The following FLT4 variants were observed in gnomAD, a reference collection of about 807,000 sequenced individuals.
FLT4 encodes fms related receptor tyrosine kinase 4, also known as vascular endothelial growth factor receptor 3.
FLT4 carries 30 observed loss-of-function variants against 163.2 expected under a neutral mutation model. That is an observed-to-expected ratio of 0.18 (90% CI 0.14 to 0.25). The LOEUF (loss-of-function observed/expected upper bound fraction) is 0.25. Ranked by LOEUF, FLT4 falls within the 10% of genes least tolerant of loss-of-function variation. The pLI is 1.00. For missense variants in FLT4, 1,510 were observed against 1,863.8 expected (o/e 0.81, Z 3.50); for synonymous variants, 884 against 789.5 (o/e 1.12, Z -2.01).
At chr5:180,647,963 G>A (rs1435634613) in intron 1 of FLT4, among the ~76,000 whole-genome samples, 1 of 152,116 alleles carries the variant, frequency 6.6e-6, no homozygotes, top group Non-Finnish European at 1.5e-5. Context: ...CTGGATCCCT[G>A]GAAGCCCCCT....
At chr5:180,628,351 C>T (rs1367763760) in intron 8 of FLT4, among the ~76,000 whole-genome samples, 3 of 152,226 alleles carry the variant, frequency 2.0e-5, no homozygotes, top group Non-Finnish European at 2.9e-5. Flanking sequence ...CCGCAGCACA[C>T]GCTTGCAGAT....
intron 8 of FLT4, 57 bp downstream of exon 8, chr5:180,628,825 T>G: frequency 1.6e-6 from 2 of 1,243,842 alleles, no homozygotes; most frequent in Non-Finnish European, 1.2e-6. Flanking sequence ...TATGGTCTGT[T>G]TTGCCCCTGG....
chr5:180,616,286 C>T, intron 23 of FLT4, 81 bp downstream of exon 23: 3 of 1,590,476 alleles, frequency 1.9e-6, no homozygotes, highest in Non-Finnish European at 1.7e-6. Flanking sequence ...CCAGCCCTCC[C>T]TCTCCTGGAC....
At position 180,630,043 on chromosome 5, in the gene FLT4, G is replaced by A. The variant is rs140192529; in HGVS notation, c.576C>T (p.Leu192=). The A allele has an allele frequency of 3.2e-5, 51 of 1,612,772 alleles. No individual in the cohort carries two copies. The East Asian group carries it at 6.2e-4, about 20-fold the overall frequency. ...CATCGTGCAGCAGTGGCGTGGACAC[G>A]AGCATGCCCCGCCGGTCATCCCACA... ...EVVWDDRRGM[L]VSTPLLHDAL... Residue 192 remains leucine (L), a synonymous_variant, in exon 5 of 30, where the codon CTC becomes CTT. Coordinates refer to ENST00000261937, the MANE Select transcript of FLT4 (RefSeq NM_182925.5). The surrounding 1 kb of genome is among the most constrained non-coding windows in gnomAD (Gnocchi z 6.3).
At position 180,630,067 on chromosome 5, in the gene FLT4, C is replaced by T. The variant is rs117606544; in HGVS notation, c.552G>A (p.Val184=). ...CGAGCATGCCCCGCCGGTCATCCCA[C>T]ACCACCTCCTGCCCGTCTGGCCACA... ...SVLWPDGQEV[V]WDDRRGMLVS... Residue 184 remains valine, a synonymous_variant, in exon 5 of 30, where the codon GTG becomes GTA. Coordinates refer to ENST00000261937, the MANE Select transcript of FLT4 (RefSeq NM_182925.5). The surrounding 1 kb of genome is among the most constrained non-coding windows in gnomAD (Gnocchi z 6.3). 9 of 1,612,688 alleles carry T rather than the reference C, an allele frequency of 5.6e-6. No individual in the cohort carries two copies. Among genetic ancestry groups the T allele is most frequent in the South Asian group, 1.1e-5 (1 of 91,080 alleles).
chr5:180,609,259 G>A (rs370949129), intron 28 of FLT4: 2 of 619,082 alleles, frequency 3.2e-6, no homozygotes, highest in East Asian at 2.8e-5. Flanking sequence ...ACTGAGGTCA[G>A]GGGGGCTGTG....
In FLT4 at chr5:180,603,223, C is replaced by T. The variant is rs200835339; in HGVS notation, c.4061G>A (p.Arg1354His). Residue 1354 changes from arginine (R) to histidine (H), a missense_variant, in exon 30 of 30, where the codon CGC (arginine) becomes CAC (histidine). By Grantham distance (29) the Arg-to-His change is conservative. Transcript: ENST00000261937. ...SEEDHCSPSARVTFFTDNSY is the reference protein window; with the variant it reads ...SEEDHCSPSAHVTFFTDNSY ...GCTGTTGTCTGTGAAGAAAGTCACGCGGGCAGACGGGGAGCAGTGGTCCTC... is the reference window on the plus strand; with the variant it reads ...GCTGTTGTCTGTGAAGAAAGTCACGTGGGCAGACGGGGAGCAGTGGTCCTC... The T allele has an allele frequency of 1.6e-4, 265 of 1,614,082 alleles. 1 individual carries two copies. In the East Asian group the frequency reaches 2.9e-3, roughly 18 times the overall value.
intron 28 of FLT4, 132 bp from the exon 29 acceptor site, chr5:180,609,185 C>T (rs1761985710): frequency 1.3e-6 from 1 of 753,516 alleles, no homozygotes; most frequent in Non-Finnish European, 2.4e-6. Context: ...GGAAGCTGAG[C>T]CAGAAACAAG....
intron 8 of FLT4, 149 bp from the exon 9 acceptor site, chr5:180,626,414 G>A: frequency 1.2e-6 from 1 of 869,018 alleles, no homozygotes; most frequent in Non-Finnish European, 1.9e-6. Flanking sequence ...CGAGGGGATG[G>A]TCTAAGTCCC....
intron 2 of FLT4, among the ~76,000 whole-genome samples, chr5:180,631,091 G>C (rs1056122331): frequency 6.6e-6 from 1 of 152,116 alleles, no homozygotes; most frequent in African/African-American, 2.4e-5. Flanking sequence ...AGGGTGGCTG[G>C]GAGTGGATGC....
At chr5:180,610,051 G>A (rs755462273) in intron 27 of FLT4, 26 bp from the exon 28 acceptor site, 3 of 1,613,796 alleles carry the variant, frequency 1.9e-6, no homozygotes, top group Admixed American at 3.3e-5. Context: ...AGAAGGTGCT[G>A]AGGAACGCGC....
chr5:180,631,341 C>G (rs562941633), intron 2 of FLT4, among the ~76,000 whole-genome samples: 5 of 152,110 alleles, frequency 3.3e-5, no homozygotes, highest in South Asian at 4.2e-4. Flanking sequence ...GGCGTGGTGG[C>G]GGGCACCTGT....
At chr5:180,609,784 G>T (rs955255607) in intron 28 of FLT4, 121 bp downstream of exon 28, 35 of 1,249,640 alleles carry the variant, frequency 2.8e-5, no homozygotes, top group Non-Finnish European at 4.1e-5. Flanking sequence ...CCCTGGACTT[G>T]CACTTTCAAA....
rs1285451257 is a variant in FLT4, at chr5:180,620,693, C to A, written c.2322G>T (p.Met774Ile). 1.9e-6 allele frequency: 3 copies of A among 1,613,460 alleles called. No individual in the cohort carries two copies. Among genetic ancestry groups the A allele is most frequent in the Non-Finnish European group, 2.5e-6 (3 of 1,179,988 alleles). Residue 774 changes from methionine (M) to isoleucine (I), a missense_variant, in exon 16 of 30, where the codon ATG becomes ATT. Met to Ile is a conservative substitution (Grantham distance 10). Transcript: ENST00000261937. This position sits in a 1 kb window ranked among gnomAD's most constrained non-coding sequence, Gnocchi z 4.4. ...CGGTACCGACAAGGATCACGATCTC[C>A]ATGCTGCCCTTATCCTCGGAGCCTG... ...AVEGSEDKGS[M>I]EIVILVGTGV...
intron 1 of FLT4, among the ~76,000 whole-genome samples, chr5:180,641,969 G>A (rs1218734988): frequency 6.6e-6 from 1 of 152,000 alleles, no homozygotes; most frequent in Non-Finnish European, 1.5e-5. Flanking sequence ...AGCACTTTGG[G>A]AGGCCAAGGT....
chr5:180,624,329 C>T lies in FLT4; in HGVS notation c.1422-268G>A, dbSNP rs568332379. Among the ~76,000 whole-genome samples the T allele has an allele frequency of 2.0e-4, 31 of 151,684 alleles. No homozygotes were observed. The South Asian group carries it at 6.5e-3, about 32-fold the overall frequency. On this transcript the variant is annotated intron_variant, in intron 10 of 29. Transcript: ENST00000261937. Reference sequence around the variant, plus strand: ...GAAACCTCCGCCTCCTGGGTTCAAGCGATTCTCCTGCCTCAGCCTCCCAAG... The same window carrying T: ...GAAACCTCCGCCTCCTGGGTTCAAGTGATTCTCCTGCCTCAGCCTCCCAAG...
intron 1 of FLT4, among the ~76,000 whole-genome samples, chr5:180,644,618 TA>T (rs765363908): frequency 2.6e-4 from 39 of 152,348 alleles, no homozygotes; most frequent in South Asian, 1.0e-3. Flanking sequence ...CTGAATTTCC[TA>T]ATCTCCAAAA....
chr5:180,635,858 T>C (rs200829268), intron 1 of FLT4, among the ~76,000 whole-genome samples: 1 of 94,840 alleles, frequency 1.1e-5, no homozygotes, highest in South Asian at 3.8e-4. Flanking sequence ...GATGGAAGTA[T>C]GGGTGGATGG....
chr5:180,626,856 G>T (rs1391748086), intron 8 of FLT4, among the ~76,000 whole-genome samples: 1 of 152,206 alleles, frequency 6.6e-6, no homozygotes, highest in African/African-American at 2.4e-5. Context: ...GCCTCGCTGG[G>T]ACACTCATTT....
Sources: gnomAD v4.1 joint callset for allele counts (sites outside exome capture counted in the v4.1 genomes callset) on GRCh38, gnomAD v4.1.1 for gene constraint, Gnocchi (gnomAD v3.1) non-coding constraint, MANE v1.5 for transcripts, NCBI Gene and HGNC (gene_info 2026-07-23, HGNC 2026-07-21) for gene names.